The following GDAP1 variants were observed in gnomAD, a reference collection of about 807,000 sequenced individuals.
GDAP1 encodes ganglioside-induced differentiation-associated protein 1.
GDAP1 carries 34 observed loss-of-function variants against 40.1 expected under a neutral mutation model. That is an observed-to-expected ratio of 0.85 (90% CI 0.64 to 1.13). GDAP1 has a LOEUF of 1.13. Ranked by LOEUF, GDAP1 falls within the 50% of genes most tolerant of loss-of-function variation. GDAP1 has a pLI of 0.00. For synonymous variants in GDAP1, 170 were observed against 157.4 expected (o/e 1.08, Z -0.60); for missense variants, 374 against 433.7 (o/e 0.86, Z 1.22).
chr8:74,413,531 C>A (rs1435438167), intron 2 of GDAP1, among the ~76,000 whole-genome samples: 1 of 149,628 alleles, frequency 6.7e-6, no homozygotes, highest in Non-Finnish European at 1.5e-5. Context: ...TTTAAACAGT[C>A]AGAGACTGTG....
intron 2 of GDAP1, among the ~76,000 whole-genome samples, chr8:74,426,212 C>T (rs1243626540): frequency 6.6e-6 from 1 of 152,074 alleles, no homozygotes; most frequent in Non-Finnish European, 1.5e-5. Context: ...TTCCATATAC[C>T]TTTTAACTGG....
intron 2 of GDAP1, among the ~76,000 whole-genome samples, chr8:74,426,508 CTG>C (rs1334079319): frequency 6.6e-6 from 1 of 152,146 alleles, no homozygotes; most frequent in African/African-American, 2.4e-5. Flanking sequence ...ATTTGCAATT[CTG>C]TGTATTATAG....
intron 2 of GDAP1, among the ~76,000 whole-genome samples, chr8:74,446,418 G>A (rs2131574811): frequency 6.6e-6 from 1 of 152,178 alleles, no homozygotes; most frequent in East Asian, 1.9e-4. Flanking sequence ...ATGGGTGCTG[G>A]AGACCAGGCC....
chr8:74,441,194 G>A (rs1445321539), intron 2 of GDAP1, among the ~76,000 whole-genome samples: 2 of 152,130 alleles, frequency 1.3e-5, no homozygotes, highest in Non-Finnish European at 2.9e-5. Flanking sequence ...GGAGCCCTTA[G>A]ATTTGTAGTG....
At chr8:74,418,698 G>C (rs1356233428) in intron 2 of GDAP1, among the ~76,000 whole-genome samples, 1 of 152,062 alleles carries the variant, frequency 6.6e-6, no homozygotes, top group Non-Finnish European at 1.5e-5. Context: ...TAAAACTTTT[G>C]CTCTCTGTTA....
At chr8:74,487,982 T>A (rs776483793) in intron 2 of GDAP1, among the ~76,000 whole-genome samples, 1 of 152,156 alleles carries the variant, frequency 6.6e-6, no homozygotes, top group Non-Finnish European at 1.5e-5. Context: ...TCAACAGACT[T>A]GTTCATATGC....
At chr8:74,397,960 T>G (rs1375969101) in intron 2 of GDAP1, among the ~76,000 whole-genome samples, 2 of 152,098 alleles carry the variant, frequency 1.3e-5, no homozygotes, top group African/African-American at 4.8e-5. Context: ...ATGGCCATTT[T>G]CACGATATTG....
intron 2 of GDAP1, among the ~76,000 whole-genome samples, chr8:74,456,371 CAT>C (rs1806336352): frequency 6.6e-6 from 1 of 151,912 alleles, no homozygotes; most frequent in South Asian, 2.1e-4. Context: ...TTACCAGAAA[CAT>C]AGAACAACTA....
At chr8:74,417,757 CAAAAAAAAAAAA>C (rs71269993) in intron 2 of GDAP1, among the ~76,000 whole-genome samples, 3 of 75,938 alleles carry the variant, frequency 4.0e-5, no homozygotes, top group African/African-American at 1.2e-4. Context: ...AACTCCATCT[CAAAAAAAAAAAA>C]AAAAAAAAAA....
chr8:74,427,813 A>C (rs1470584076), intron 2 of GDAP1, among the ~76,000 whole-genome samples: 1 of 152,176 alleles, frequency 6.6e-6, no homozygotes, highest in Admixed American at 6.5e-5. Flanking sequence ...TTCTCTCCAC[A>C]ATCCTTTTGT....
rs1586808520 is a variant in GDAP1 at position 74,365,092 on chromosome 8, T to C, written c.*725T>C. On this transcript the variant is annotated 3_prime_UTR_variant, in exon 6 of 6. Coordinates refer to ENST00000220822, the MANE Select transcript of GDAP1 (RefSeq NM_018972.4). ...TCCAGTCAGTGGGAGGTAGAAAGGG[T>C]GGCATCTGTAGCCCTCTTCATACAC... is the stretch of plus-strand genomic sequence containing the variant. 2.2e-6 allele frequency: 1 copy of C among 454,064 alleles called. No homozygotes were observed. The highest frequency in any genetic ancestry group is 1.6e-5 in the South Asian group (1 of 64,470). The allele number at this position is 454,064 out of a possible 1,614,324, so 28.1% of individuals were successfully genotyped here. A position where few individuals can be genotyped will look rare whatever the true frequency, so the allele number is the denominator to read the frequency against.
At chr8:74,390,175 A>G (rs1248576602) in intron 2 of GDAP1, among the ~76,000 whole-genome samples, 1 of 152,112 alleles carries the variant, frequency 6.6e-6, no homozygotes, top group African/African-American at 2.4e-5. Context: ...TCTGAAGCCT[A>G]CTTCTGTCAA....
downstream of GDAP1, among the ~76,000 whole-genome samples, chr8:74,371,184 C>T (rs1043273716): frequency 3.3e-5 from 5 of 152,158 alleles, no homozygotes; most frequent in African/African-American, 9.7e-5. Flanking sequence ...TCAAAGTAGA[C>T]ATATTCTAGG....
chr8:74,455,461 T>C (rs1806325030), intron 2 of GDAP1, among the ~76,000 whole-genome samples: 1 of 151,932 alleles, frequency 6.6e-6, no homozygotes, highest in Admixed American at 6.6e-5. Context: ...ATTGTTAATA[T>C]GTGAAAGGAT....
At chr8:74,404,754 C>T (rs1243873680) in intron 2 of GDAP1, among the ~76,000 whole-genome samples, 1 of 149,782 alleles carries the variant, frequency 6.7e-6, no homozygotes, top group African/African-American at 2.6e-5. Flanking sequence ...CTCTCCTTCC[C>T]ATCTGCTTCT....
intron 2 of GDAP1, among the ~76,000 whole-genome samples, chr8:74,474,407 C>T (rs745693526): frequency 1.3e-5 from 2 of 152,086 alleles, no homozygotes; most frequent in Non-Finnish European, 2.9e-5. Flanking sequence ...TTTGCCCATT[C>T]AGTATGATGT....
chr8:74,405,455 A>G (rs1230959886), intron 2 of GDAP1, among the ~76,000 whole-genome samples: 1 of 150,120 alleles, frequency 6.7e-6, no homozygotes, highest in Non-Finnish European at 1.5e-5. Context: ...AACATTTTTT[A>G]TCTGAAGGTG....
intron 2 of GDAP1, among the ~76,000 whole-genome samples, chr8:74,398,015 A>G (rs1198585060): frequency 6.6e-6 from 1 of 151,370 alleles, no homozygotes; most frequent in Admixed American, 6.6e-5. Context: ...ATTTGTTTGT[A>G]TCCTCTTTTA....
intron 2 of GDAP1, among the ~76,000 whole-genome samples, chr8:74,448,712 A>G (rs1466446346): frequency 6.6e-6 from 1 of 151,930 alleles, no homozygotes; most frequent in Non-Finnish European, 1.5e-5. Flanking sequence ...TCATGTGCTT[A>G]TTGGCCTTTT....
Sources: gnomAD v4.1 joint callset for allele counts (sites outside exome capture counted in the v4.1 genomes callset) on GRCh38, gnomAD v4.1.1 for gene constraint, MANE v1.5 for transcripts, NCBI Gene and HGNC (gene_info 2026-07-23, HGNC 2026-07-21) for gene names.